The following PTPRD variants were observed in gnomAD, a reference collection of about 807,000 sequenced individuals.
PTPRD encodes the protein receptor-type tyrosine-protein phosphatase delta.
In PTPRD, 34 loss-of-function variants were observed where a neutral mutation model predicts 214.5. That is an observed-to-expected ratio of 0.16 (90% CI 0.12 to 0.21). The LOEUF (loss-of-function observed/expected upper bound fraction) is 0.21. Among genes scored for constraint, PTPRD ranks in the 10% least tolerant of loss-of-function variants. The pLI is 1.00. For synonymous variants in PTPRD, 1,128 were observed against 845.7 expected, an observed-to-expected ratio of 1.33 and a Z score of -5.79; for missense variants, 2,545 against 2,398.7, an observed-to-expected ratio of 1.06 and a Z score of -1.27.
chr9:10,418,721 T>C (rs2098518359), intron 2 of PTPRD, among the ~76,000 whole-genome samples: 1 of 151,750 alleles, frequency 6.6e-6, no homozygotes, highest in African/African-American at 2.4e-5. Context: ...AGGTACTCAT[T>C]AATAATAATT....
At chr9:10,327,307 G>A (rs2096662158) in intron 3 of PTPRD, among the ~76,000 whole-genome samples, 1 of 150,888 alleles carries the variant, frequency 6.6e-6, no homozygotes, top group African/African-American at 2.4e-5. Flanking sequence ...TACTCTCATG[G>A]CAGTTGATTT....
chr9:8,919,338 G>A (rs925399069), intron 11 of PTPRD, among the ~76,000 whole-genome samples: 4 of 149,952 alleles, frequency 2.7e-5, no homozygotes, highest in East Asian at 4.0e-4. Flanking sequence ...GGTGCAGTGA[G>A]CCGAGGCTAT....
intron 11 of PTPRD, among the ~76,000 whole-genome samples, chr9:8,966,834 A>G (rs1355282405): frequency 6.6e-6 from 1 of 152,148 alleles, no homozygotes; most frequent in Non-Finnish European, 1.5e-5. Context: ...ACAGAAGGGG[A>G]AAAAATATTC....
At chr9:8,707,241 G>A (rs2098229228) in intron 12 of PTPRD, among the ~76,000 whole-genome samples, 1 of 152,130 alleles carries the variant, frequency 6.6e-6, no homozygotes, top group African/African-American at 2.4e-5. Flanking sequence ...AACATACAAG[G>A]TCACTTGAAT....
chr9:9,932,249 G>A (rs2086961543), intron 5 of PTPRD, among the ~76,000 whole-genome samples: 1 of 150,816 alleles, frequency 6.6e-6, no homozygotes, highest in Non-Finnish European at 1.5e-5. Flanking sequence ...CGAGCTGAGA[G>A]AAGAAGGCTT....
chr9:10,194,343 TATAGAGAGAGAGAGAGAGAGAGAGAG>T (rs1452337779), intron 3 of PTPRD, among the ~76,000 whole-genome samples: 2,357 of 40,666 alleles, frequency 0.058, 14 homozygotes, highest in South Asian at 0.077. Flanking sequence ...TATATATATA[TATAGAGAGAGAGAGAGAGAGAGAGAG>T]AGAGAGAGAG....
intron 3 of PTPRD, among the ~76,000 whole-genome samples, chr9:10,068,521 A>T (rs191376179): frequency 1.9e-3 from 283 of 152,078 alleles, no homozygotes; most frequent in Non-Finnish European, 3.3e-3. Context: ...GTAATATGGG[A>T]ATATGTCAGA....
intron 8 of PTPRD, among the ~76,000 whole-genome samples, chr9:9,518,311 T>G (rs950951369): frequency 6.6e-6 from 1 of 152,102 alleles, no homozygotes; most frequent in Non-Finnish European, 1.5e-5. Context: ...TGTTTCTTCC[T>G]AATATAGAAA....
chr9:10,123,480 T>C (rs1039270216), intron 3 of PTPRD, among the ~76,000 whole-genome samples: 2 of 152,226 alleles, frequency 1.3e-5, no homozygotes, highest in African/African-American at 2.4e-5. Context: ...AAGAAATGTC[T>C]TGGAAGTTGA....
rs372313151 is a variant in PTPRD, at chr9:9,827,908, C to A, written c.-367-61057G>T. On this transcript the variant is annotated intron_variant, in intron 5 of 45. Transcript: ENST00000381196. ...GCCAAAAGACACATGAAAAAATGCT[C>A]ATCATCACTGGCCATCAGAGAAATG... Among the ~76,000 whole-genome samples the A allele has an allele frequency of 3.9e-5, 6 of 152,242 alleles. No individual in the cohort carries two copies. In the East Asian group the frequency reaches 9.6e-4, roughly 24 times the overall value.
At chr9:8,527,083 GAAAC>G (rs1348952036) in intron 16 of PTPRD, among the ~76,000 whole-genome samples, 1 of 151,900 alleles carries the variant, frequency 6.6e-6, no homozygotes, top group Admixed American at 6.6e-5. Context: ...AGACTAACTG[GAAAC>G]AAACATTGTT....
intron 2 of PTPRD, among the ~76,000 whole-genome samples, chr9:10,382,960 TTC>T (rs985532530): frequency 6.6e-6 from 1 of 151,840 alleles, no homozygotes; most frequent in African/African-American, 2.4e-5. Context: ...GACAATGAGC[TTC>T]TGAATGAGTT....
intron 8 of PTPRD, among the ~76,000 whole-genome samples, chr9:9,562,423 T>C (rs1467762089): frequency 6.6e-6 from 1 of 152,218 alleles, no homozygotes; most frequent in Non-Finnish European, 1.5e-5. Context: ...TATTTGCCAT[T>C]GTCAACAGAG....
intron 3 of PTPRD, among the ~76,000 whole-genome samples, chr9:10,300,589 C>G (rs2095833004): frequency 6.6e-6 from 1 of 152,178 alleles, no homozygotes; most frequent in South Asian, 2.1e-4. Flanking sequence ...GAAGGGGCGT[C>G]TGCCATTGCT....
intron 7 of PTPRD, among the ~76,000 whole-genome samples, chr9:9,625,338 G>A (rs903031308): frequency 6.6e-6 from 1 of 152,178 alleles, no homozygotes; most frequent in Admixed American, 6.5e-5. Context: ...CTGATGTGCT[G>A]CTCAAGTGTG....
rs942209594 is a variant in PTPRD at position 10,132,856 on chromosome 9, C to A, written c.-544-99066G>T. 2.6e-5 allele frequency among the ~76,000 whole-genome samples: 4 copies of A among 152,230 alleles called. No homozygotes were observed. In the South Asian group the frequency reaches 8.3e-4, roughly 32 times the overall value. ...CAACATCTAAGATGACACCAAGGAG[C>A]CCTTCCTTCTGGTGTTTATGCCCTT... On this transcript the variant is annotated intron_variant, in intron 3 of 45. Coordinates refer to ENST00000381196, the MANE Select transcript of PTPRD (RefSeq NM_002839.4).
intron 4 of PTPRD, among the ~76,000 whole-genome samples, chr9:9,995,741 T>C (rs2096097678): frequency 6.6e-6 from 1 of 152,220 alleles, no homozygotes; most frequent in Non-Finnish European, 1.5e-5. Context: ...GTGTTTCTTG[T>C]TGGGACCCTG....
chr9:9,541,462 A>T (rs1317691880), intron 8 of PTPRD, among the ~76,000 whole-genome samples: 1 of 151,842 alleles, frequency 6.6e-6, no homozygotes, highest in Non-Finnish European at 1.5e-5. Context: ...CCATGTGAGA[A>T]ACCTCAACAA....
chr9:10,118,747 A>G (rs184644486), intron 3 of PTPRD, among the ~76,000 whole-genome samples: 8 of 151,770 alleles, frequency 5.3e-5, no homozygotes, highest in East Asian at 3.9e-4. Context: ...GTATCTCAAC[A>G]CTACATTTTA....
Sources: gnomAD v4.1 joint callset for allele counts (sites outside exome capture counted in the v4.1 genomes callset) on GRCh38, gnomAD v4.1.1 for gene constraint, MANE v1.5 for transcripts, NCBI Gene and HGNC (gene_info 2026-07-23, HGNC 2026-07-21) for gene names.